ZNF638: variants seen among roughly 807,000 people sequenced by gnomAD.
ZNF638 encodes the protein zinc finger protein 638, also known as CTCL tumor antigen se33-1.
ZNF638 carries 46 observed loss-of-function variants against 195.6 expected under a neutral mutation model. That is an observed-to-expected ratio of 0.24 (90% CI 0.19 to 0.30). The LOEUF is 0.30. Among genes scored for constraint, ZNF638 ranks in the 10% least tolerant of loss-of-function variants. ZNF638 has a pLI of 1.00. For synonymous variants in ZNF638, 845 were observed against 772.0 expected (o/e 1.09, Z -1.57); for missense variants, 2,440 against 2,325.3 (o/e 1.05, Z -1.01).
At chr2:71,408,636 T>C (rs2080151275) in intron 20 of ZNF638, 4 of 334,320 alleles carry the variant, frequency 1.2e-5, no homozygotes, top group South Asian at 7.8e-5. Context: ...ATAAACTGTT[T>C]TTGTGTTAAG....
chr2:71,417,062 G>A (rs1469815406), intron 20 of ZNF638, among the ~76,000 whole-genome samples: 2 of 123,732 alleles, frequency 1.6e-5, no homozygotes, highest in Admixed American at 8.3e-5. Context: ...AATGGCGGGC[G>A]CCCCTCCCCC....
At chr2:71,364,888 A>G (rs1248130447) in intron 5 of ZNF638, among the ~76,000 whole-genome samples, 1 of 152,148 alleles carries the variant, frequency 6.6e-6, no homozygotes, top group Non-Finnish European at 1.5e-5. Context: ...TTCTAATTAC[A>G]TGCCTCCATG....
intron 24 of ZNF638, among the ~76,000 whole-genome samples, chr2:71,427,972 G>A (rs1022114777): frequency 6.6e-6 from 1 of 152,046 alleles, no homozygotes; most frequent in Admixed American, 6.5e-5. Context: ...TGGGAGGATC[G>A]CTTGAGGCCA....
chr2:71,348,014 G>C lies in ZNF638; in HGVS notation c.-202-739G>C, dbSNP rs373744695. 3.9e-5 allele frequency among the ~76,000 whole-genome samples: 6 copies of C among 152,158 alleles called. No homozygotes were observed. In the South Asian group the frequency reaches 8.3e-4, roughly 21 times the overall value. ...AAGTTCATAGAACGCTGACTGACACGTGGACAGTGCTCTATATAGTTAATC... is the reference window on the plus strand; with the variant it reads ...AAGTTCATAGAACGCTGACTGACACCTGGACAGTGCTCTATATAGTTAATC... On this transcript the variant is annotated intron_variant, in intron 1 of 27. Coordinates refer to ENST00000264447, the MANE Select transcript of ZNF638 (RefSeq NM_014497.5).
At chr2:71,418,677 A>G (rs778275813) in intron 21 of ZNF638, 38 bp downstream of exon 21, 3 of 1,427,264 alleles carry the variant, frequency 2.1e-6, no homozygotes, top group Non-Finnish European at 1.9e-6. Context: ...TTTGTATAGT[A>G]TTTAGTTTCT....
At chr2:71,380,433 G>A in intron 9 of ZNF638, 80 bp from the exon 10 acceptor site, 1 of 1,308,616 alleles carries the variant, frequency 7.6e-7, no homozygotes, top group East Asian at 2.4e-5. Context: ...AACGTTTTTA[G>A]GTTTAAATAT....
chr2:71,365,353 C>G, intron 5 of ZNF638, 76 bp from the exon 6 acceptor site: 1 of 1,207,480 alleles, frequency 8.3e-7, no homozygotes, highest in Non-Finnish European at 1.1e-6. Context: ...GAGAATAGCA[C>G]TATGTGATTA....
chr2:71,395,859 A>G, intron 10 of ZNF638: 1 of 494,156 alleles, frequency 2.0e-6, no homozygotes, highest in Non-Finnish European at 3.6e-6. Flanking sequence ...GAAATGGGGA[A>G]TAATTCCTAT....
intron 1 of ZNF638, among the ~76,000 whole-genome samples, chr2:71,336,369 C>T (rs1184653751): frequency 1.3e-5 from 1 of 74,138 alleles, no homozygotes. Flanking sequence ...GAAATTCCAT[C>T]TCCAAAAAAA....
chr2:71,334,621 A>G lies in ZNF638; in HGVS notation c.-203+2746A>G, dbSNP rs2078631123. 2.0e-5 allele frequency: 3 copies of G among 152,260 alleles called. No homozygotes were observed. The South Asian group carries it at 6.2e-4, about 32-fold the overall frequency. The allele number at this position is 152,260 out of a possible 1,614,324, so 9.4% of individuals were successfully genotyped here. On this transcript the variant is annotated intron_variant, in intron 1 of 27. Transcript: ENST00000264447. ...GGTGAGATGTAGAAATAAAACACAC[A>G]ACTGTAATAATGCGGGTGAGGGCCG...
At chr2:71,356,487 G>T (rs1414764563) in intron 3 of ZNF638, among the ~76,000 whole-genome samples, 1 of 152,192 alleles carries the variant, frequency 6.6e-6, no homozygotes, top group East Asian at 1.9e-4. Context: ...GAATCCTTTT[G>T]GTTGTAAGTG....
chr2:71,426,508 G>T lies in ZNF638; in HGVS notation c.4639G>T (p.Val1547Phe), dbSNP rs1358113952. 1 of 1,609,300 alleles carries T rather than the reference G, an allele frequency of 6.2e-7. No individual in the cohort carries two copies. The highest frequency in any genetic ancestry group is 8.5e-7 in the Non-Finnish European group (1 of 1,178,676). The change falls in exon 24 of 28, where the codon GTT becomes TTT. Residue 1547 changes from valine to phenylalanine, a missense_variant. Physicochemically the swap from Val to Phe is conservative, Grantham distance 50. Around this residue, in one of 5 missense-constraint regions of ZNF638, gnomAD observed 1,883 missense variants for 1,739.1 expected, o/e 1.08. Coordinates refer to ENST00000264447, the MANE Select transcript of ZNF638 (RefSeq NM_014497.5). ...NLDEFVTVDE[V>F]IEEVNPSQAK... ...GGATGAATTTGTTACTGTGGATGAG[G>T]TTATAGAAGAAGTGAATCCTTCTCA...
chr2:71,399,737 AG>A (rs770655300), intron 13 of ZNF638, 92 bp downstream of exon 13: 75 of 968,572 alleles, frequency 7.7e-5, no homozygotes, highest in Non-Finnish European at 1.2e-4. Context: ...TTTCTTACAT[AG>A]GTAAACGTGT....
intron 10 of ZNF638, among the ~76,000 whole-genome samples, chr2:71,388,259 G>A (rs902141923): frequency 3.3e-5 from 5 of 152,180 alleles, no homozygotes; most frequent in African/African-American, 1.2e-4. Context: ...TAACAAAGGA[G>A]TGTAAAGGAA....
chr2:71,417,443 C>G (rs372462569), intron 20 of ZNF638, among the ~76,000 whole-genome samples: 1 of 152,106 alleles, frequency 6.6e-6, no homozygotes, highest in African/African-American at 2.4e-5. Context: ...TCTTCTGCGT[C>G]GCTCACGCTG....
intron 1 of ZNF638, among the ~76,000 whole-genome samples, chr2:71,335,378 T>C (rs977550863): frequency 6.6e-6 from 1 of 152,224 alleles, no homozygotes; most frequent in African/African-American, 2.4e-5. Context: ...ACATATATTT[T>C]GGATTATTTT....
intron 20 of ZNF638, among the ~76,000 whole-genome samples, chr2:71,410,063 T>A: frequency 6.6e-6 from 1 of 152,246 alleles, no homozygotes; most frequent in East Asian, 1.9e-4. Flanking sequence ...TTCCTTTGAT[T>A]GTTTTTAGCA....
At chr2:71,400,272 T>C in intron 14 of ZNF638, 92 bp downstream of exon 14, 1 of 1,136,830 alleles carries the variant, frequency 8.8e-7, no homozygotes, top group South Asian at 1.6e-5. Context: ...ATTCATGTCT[T>C]TATCTCTTAA....
intron 10 of ZNF638, among the ~76,000 whole-genome samples, chr2:71,381,891 A>G (rs959437663): frequency 1.3e-5 from 2 of 152,262 alleles, no homozygotes; most frequent in African/African-American, 4.8e-5. Flanking sequence ...ATATGGAGCC[A>G]CTCACTAATT....
Sources: allele counts gnomAD v4.1 joint callset (sites outside exome capture counted in the v4.1 genomes callset), GRCh38; gene constraint gnomAD v4.1.1; regional missense constraint gnomAD v4.1.1; transcripts MANE v1.5; gene names NCBI Gene and HGNC (gene_info 2026-07-23, HGNC 2026-07-21).